Variants in ARHGEF7 observed in about 807,000 individuals in gnomAD.
ARHGEF7 encodes the protein PAK-interacting exchange factor beta.
Under a neutral mutation model 109.8 loss-of-function variants are expected in ARHGEF7, and 33 were observed. That is an observed-to-expected ratio of 0.30 (90% confidence interval 0.23 to 0.40). ARHGEF7 has a LOEUF of 0.40. Among genes scored for constraint, ARHGEF7 ranks in the 10% least tolerant of loss-of-function variants. ARHGEF7 has a pLI of 1.00. For synonymous variants in ARHGEF7, 458 were observed against 424.6 expected, an observed-to-expected ratio of 1.08 and a Z score of -0.97; for missense variants, 938 against 1,098.5, an observed-to-expected ratio of 0.85 and a Z score of 2.07.
At chr13:111,195,397 C>T (rs2080376178) in intron 2 of ARHGEF7, among the ~76,000 whole-genome samples, 1 of 152,220 alleles carries the variant, frequency 6.6e-6, no homozygotes, top group African/African-American at 2.4e-5. Context: ...CAAAGTCTTC[C>T]AATTACAACT....
chr13:111,225,311 A>T (rs563815131), intron 5 of ARHGEF7, among the ~76,000 whole-genome samples: 2 of 152,210 alleles, frequency 1.3e-5, no homozygotes, highest in African/African-American at 4.8e-5. Flanking sequence ...TGCTTGTAGC[A>T]TGTGATAGCC....
chr13:111,289,954 TAGAG>T (rs1468506312), intron 18 of ARHGEF7, among the ~76,000 whole-genome samples: 2 of 152,078 alleles, frequency 1.3e-5, no homozygotes, highest in African/African-American at 4.8e-5. Context: ...AGGAGAGAAA[TAGAG>T]AAACGGAAAG....
At chr13:111,249,755 G>A (rs1423204035) in intron 8 of ARHGEF7, among the ~76,000 whole-genome samples, 2 of 152,180 alleles carry the variant, frequency 1.3e-5, no homozygotes, top group Non-Finnish European at 2.9e-5. Context: ...AAATCTCCTT[G>A]TGAGCACTTT....
At chr13:111,178,105 C>G (rs111640295) in intron 2 of ARHGEF7, among the ~76,000 whole-genome samples, 49 of 152,328 alleles carry the variant, frequency 3.2e-4, no homozygotes, top group African/African-American at 1.1e-3. Flanking sequence ...ATCTTTTAGT[C>G]ATTGCTTTTC....
At chr13:111,200,948 A>G (rs2081144380) in intron 2 of ARHGEF7, among the ~76,000 whole-genome samples, 1 of 152,152 alleles carries the variant, frequency 6.6e-6, no homozygotes, top group Non-Finnish European at 1.5e-5. Flanking sequence ...TGGGGATGAG[A>G]TACTGAAGAC....
chr13:111,188,503 C>A (rs77149608), intron 2 of ARHGEF7, among the ~76,000 whole-genome samples: 15,946 of 152,260 alleles, frequency 0.1, 1,154 homozygotes, highest in Middle Eastern at 0.16. Context: ...TCCTCCTACA[C>A]GGTGCTGGAT....
intron 2 of ARHGEF7, among the ~76,000 whole-genome samples, chr13:111,168,139 C>T (rs116202517): frequency 1.1e-3 from 174 of 152,282 alleles, no homozygotes; most frequent in African/African-American, 4.0e-3. Context: ...TTTCCTCTCT[C>T]GTCCAGGTCA....
intron 6 of ARHGEF7, among the ~76,000 whole-genome samples, chr13:111,243,192 T>G (rs1004559340): frequency 6.6e-6 from 1 of 151,958 alleles, no homozygotes; most frequent in African/African-American, 2.4e-5. Context: ...TCCCAGAAAT[T>G]GATTTCAATT....
rs867069144 is a variant in ARHGEF7 at position 111,115,857 on chromosome 13, G to A, written c.165+166G>A. Among the ~76,000 whole-genome samples the A allele has an allele frequency of 8.6e-5, 13 of 150,670 alleles. No individual in the cohort carries two copies. In the Middle Eastern group the frequency reaches 0.01, roughly 120 times the overall value. ...GCCAGGACCGTGGCGGGAGCTCGGGGGGCGCCATTGTGTGCGGGGCAGGGG... is the reference window on the plus strand; with the variant it reads ...GCCAGGACCGTGGCGGGAGCTCGGGAGGCGCCATTGTGTGCGGGGCAGGGG... On this transcript the variant is annotated intron_variant, in intron 1 of 21. Transcript: ENST00000646102.
rs991470948 is a variant in ARHGEF7, at chr13:111,305,519, T to C, written c.*2406T>C. On this transcript the variant is annotated 3_prime_UTR_variant, in exon 22 of 22. Coordinates refer to ENST00000646102, the MANE Select transcript of ARHGEF7 (RefSeq NM_001354046.2). ...TCAGTGGCGTCTGTGCTTGTCCACATGCGCTGGGCGTCTGGGACCTTGAAT... is the reference window on the plus strand; with the variant it reads ...TCAGTGGCGTCTGTGCTTGTCCACACGCGCTGGGCGTCTGGGACCTTGAAT... 10 of 152,248 alleles carry C rather than the reference T, an allele frequency of 6.6e-5. No individual in the cohort carries two copies. The highest frequency in any genetic ancestry group is 2.6e-4 in the Admixed American group (4 of 15,282). The allele number at this position is 152,248 out of a possible 1,614,324, so 9.4% of individuals were successfully genotyped here. A position where few individuals can be genotyped will look rare whatever the true frequency, so the allele number is the denominator to read the frequency against.
chr13:111,150,498 GCATTGTTTTTTTA>G (rs1170798518), intron 1 of ARHGEF7, among the ~76,000 whole-genome samples: 1 of 152,146 alleles, frequency 6.6e-6, no homozygotes, highest in Non-Finnish European at 1.5e-5. Flanking sequence ...CTTGCAATAT[GCATTGTTTTTTTA>G]CATTGTTTTT....
chr13:111,159,130 G>A (rs1452360656), intron 2 of ARHGEF7: 11 of 714,894 alleles, frequency 1.5e-5, no homozygotes, highest in South Asian at 3.0e-5. Flanking sequence ...AGGTGAGATC[G>A]TGCAGTATTT....
chr13:111,203,793 A>T (rs1256189960), intron 2 of ARHGEF7, among the ~76,000 whole-genome samples: 1 of 152,212 alleles, frequency 6.6e-6, no homozygotes, highest in Non-Finnish European at 1.5e-5. Flanking sequence ...GCTGCAGATG[A>T]ATTTTGAATA....
At chr13:111,160,628 C>A (rs1009542347) in intron 2 of ARHGEF7, among the ~76,000 whole-genome samples, 2 of 151,888 alleles carry the variant, frequency 1.3e-5, no homozygotes, top group African/African-American at 2.4e-5. Context: ...GCCTGGGCTA[C>A]GTGGCAAAAC....
chr13:111,294,166 T>G (rs535559399), intron 19 of ARHGEF7: 1 of 985,412 alleles, frequency 1.0e-6, no homozygotes, highest in African/African-American at 1.7e-5. Flanking sequence ...GTAAATGGGA[T>G]TTTTGGAGAA....
intron 9 of ARHGEF7, among the ~76,000 whole-genome samples, chr13:111,271,965 C>T (rs2092189993): frequency 6.6e-6 from 1 of 152,224 alleles, no homozygotes; most frequent in Non-Finnish European, 1.5e-5. Context: ...TTTTACACAG[C>T]ATAGGACTGC....
intron 19 of ARHGEF7, among the ~76,000 whole-genome samples, chr13:111,295,857 A>G (rs574079264): frequency 2.0e-5 from 3 of 152,348 alleles, no homozygotes; most frequent in Admixed American, 2.0e-4. Context: ...TTTAGAAAAG[A>G]TAATGAATTT....
At chr13:111,301,560 T>A in intron 21 of ARHGEF7, 28 bp downstream of exon 21, 2 of 1,566,362 alleles carry the variant, frequency 1.3e-6, no homozygotes, top group Non-Finnish European at 1.8e-6. Context: ...TTTAAATCTT[T>A]TTTTTCTTTT....
intron 19 of ARHGEF7, among the ~76,000 whole-genome samples, chr13:111,296,805 T>A (rs1040819412): frequency 3.3e-5 from 5 of 152,228 alleles, no homozygotes; most frequent in Non-Finnish European, 4.4e-5. Context: ...GCGCTGTGAT[T>A]CTCCGAGAAG....
Sources: allele counts gnomAD v4.1 joint callset (sites outside exome capture counted in the v4.1 genomes callset), GRCh38; gene constraint gnomAD v4.1.1; transcripts MANE v1.5; gene names NCBI Gene and HGNC (gene_info 2026-07-23, HGNC 2026-07-21).